Variants in SUPT3H observed in about 807,000 individuals in gnomAD.
SUPT3H encodes SPT3 homolog, SAGA and STAGA complex component.
Under a neutral mutation model 44.3 loss-of-function variants are expected in SUPT3H, and 44 were observed. The observed-to-expected ratio is 0.99, with a 90% CI of 0.78 to 1.28. SUPT3H has a LOEUF of 1.28. Among genes scored for constraint, SUPT3H ranks in the 50% most tolerant of loss-of-function variants. The pLI, the probability that SUPT3H is intolerant of heterozygous loss-of-function variation, is 0.00. For synonymous variants in SUPT3H, 124 were observed against 125.6 expected, an observed-to-expected ratio of 0.99 and a Z score of 0.09; for missense variants, 380 against 387.1, an observed-to-expected ratio of 0.98 and a Z score of 0.15.
At chr6:45,182,079 T>C (rs1813354445) in intron 2 of SUPT3H, among the ~76,000 whole-genome samples, 1 of 152,050 alleles carries the variant, frequency 6.6e-6, no homozygotes, top group South Asian at 2.1e-4. Context: ...TTAATAAATT[T>C]TTATGCACCA....
At chr6:45,090,284 G>C (rs1048046711) in intron 3 of SUPT3H, among the ~76,000 whole-genome samples, 2 of 151,882 alleles carry the variant, frequency 1.3e-5, no homozygotes, top group Non-Finnish European at 2.9e-5. Context: ...GTAAATAAAA[G>C]GATAATTTAT....
At chr6:44,876,634 C>T (rs1561937961) in intron 10 of SUPT3H, among the ~76,000 whole-genome samples, 1 of 148,582 alleles carries the variant, frequency 6.7e-6, no homozygotes, top group African/African-American at 2.5e-5. Context: ...GCACATGTAC[C>T]CTAAAACTTA....
chr6:45,333,679 AAAC>A (rs1787971378), intron 2 of SUPT3H, among the ~76,000 whole-genome samples: 1 of 151,438 alleles, frequency 6.6e-6, no homozygotes, highest in Non-Finnish European at 1.5e-5. Flanking sequence ...CTGATATAAA[AAAC>A]AATCCCCAAA....
intron 3 of SUPT3H, among the ~76,000 whole-genome samples, chr6:45,027,032 C>T (rs1786133762): frequency 3.6e-5 from 5 of 139,408 alleles, no homozygotes. Flanking sequence ...CTCTGTCATC[C>T]AGGCTGGAGT....
In SUPT3H at chr6:45,200,166, TACTC is replaced by T. The variant is rs1762647327; in HGVS notation, c.102-94164_102-94161del. 2.0e-5 allele frequency among the ~76,000 whole-genome samples: 3 copies of T among 151,588 alleles called. No individual in the cohort carries two copies. In the South Asian group the frequency reaches 6.2e-4, roughly 31 times the overall value. On this transcript the variant is annotated intron_variant, in intron 2 of 10. Transcript: ENST00000371459. ...AATTTTGAAAATTAATTAGTAACAA[TACTC>T]AGTGTAAATATTTGTTAACATTTCT...
At chr6:44,941,617 TA>T (rs2153465855) in intron 9 of SUPT3H, among the ~76,000 whole-genome samples, 1 of 152,312 alleles carries the variant, frequency 6.6e-6, no homozygotes, top group African/African-American at 2.4e-5. Flanking sequence ...CAAGGATTCA[TA>T]CATTATTATC....
At chr6:44,894,577 G>C (rs897293042) in intron 10 of SUPT3H, among the ~76,000 whole-genome samples, 5 of 152,046 alleles carry the variant, frequency 3.3e-5, no homozygotes, top group African/African-American at 1.2e-4. Context: ...TTCTATTGAT[G>C]TATATCTCTG....
At chr6:44,993,812 A>T (rs1780917014) in intron 6 of SUPT3H, among the ~76,000 whole-genome samples, 1 of 152,126 alleles carries the variant, frequency 6.6e-6, no homozygotes, top group Admixed American at 6.6e-5. Context: ...TTTAATAAAC[A>T]TAACAATGAG....
chr6:45,224,723 A>G (rs1477510972), intron 2 of SUPT3H, among the ~76,000 whole-genome samples: 1 of 151,550 alleles, frequency 6.6e-6, no homozygotes, highest in Middle Eastern at 3.2e-3. Context: ...GGTTGCAGTG[A>G]GCTGAGATCG....
chr6:45,061,394 G>T (rs538040305), intron 3 of SUPT3H, among the ~76,000 whole-genome samples: 2 of 152,110 alleles, frequency 1.3e-5, no homozygotes, highest in African/African-American at 4.8e-5. Flanking sequence ...GGAGCCAAAC[G>T]ATGAGAACAC....
At chr6:44,959,450 C>T (rs928303392) in intron 7 of SUPT3H, among the ~76,000 whole-genome samples, 3 of 151,956 alleles carry the variant, frequency 2.0e-5, no homozygotes, top group Admixed American at 1.3e-4. Flanking sequence ...CACAGAGCCT[C>T]TCTGATTACA....
At chr6:44,898,744 T>C (rs1411997389) in intron 10 of SUPT3H, 1 of 152,306 alleles carries the variant, frequency 6.6e-6, no homozygotes. Context: ...GCGTGACACC[T>C]GGGCGCTGCA....
chr6:45,015,042 G>A, intron 4 of SUPT3H, 151 bp from the exon 5 acceptor site: 1 of 420,124 alleles, frequency 2.4e-6, no homozygotes, highest in Non-Finnish European at 4.0e-6. Flanking sequence ...GACATAAAAA[G>A]GTAGTCATCA....
At chr6:45,097,780 A>T (rs78175020) in intron 3 of SUPT3H, 1 of 152,258 alleles carries the variant, frequency 6.6e-6, no homozygotes, top group Non-Finnish European at 1.5e-5. Flanking sequence ...AGGTTTTTAT[A>T]AACTGAAAGT....
chr6:44,855,880 G>T (rs1262431076), intron 10 of SUPT3H, among the ~76,000 whole-genome samples: 2 of 152,020 alleles, frequency 1.3e-5, no homozygotes, highest in South Asian at 2.1e-4. Flanking sequence ...TCTTTTAATA[G>T]TTTCAATGAA....
chr6:45,224,376 G>A (rs557442047), intron 2 of SUPT3H, among the ~76,000 whole-genome samples: 108 of 152,136 alleles, frequency 7.1e-4, no homozygotes, highest in African/African-American at 2.5e-3. Context: ...CTCACTGTGT[G>A]GTTCTGTCAC....
At chr6:45,102,745 A>C (rs1798752398) in intron 3 of SUPT3H, among the ~76,000 whole-genome samples, 1 of 152,222 alleles carries the variant, frequency 6.6e-6, no homozygotes, top group African/African-American at 2.4e-5. Flanking sequence ...GTTCGAGGCC[A>C]GCCTGGCCAA....
At chr6:45,172,802 G>A (rs1811042816) in intron 2 of SUPT3H, among the ~76,000 whole-genome samples, 2 of 151,942 alleles carry the variant, frequency 1.3e-5, no homozygotes, top group Non-Finnish European at 2.9e-5. Flanking sequence ...ATGTTGGCTA[G>A]GCTGGTCTCG....
intron 10 of SUPT3H, among the ~76,000 whole-genome samples, chr6:44,891,879 T>C (rs1763372369): frequency 1.3e-5 from 2 of 151,996 alleles, no homozygotes; most frequent in South Asian, 4.1e-4. Flanking sequence ...ACTGTCGATA[T>C]AGGTGGTAGG....
Sources: allele counts gnomAD v4.1 joint callset (sites outside exome capture counted in the v4.1 genomes callset), GRCh38; gene constraint gnomAD v4.1.1; transcripts MANE v1.5; gene names NCBI Gene and HGNC (gene_info 2026-07-23, HGNC 2026-07-21).